The following PTPRG variants were observed in gnomAD, a reference collection of about 807,000 sequenced individuals.
The protein encoded by PTPRG is receptor-type tyrosine-protein phosphatase gamma.
Under a neutral mutation model 165.3 loss-of-function variants are expected in PTPRG, and 102 were observed. The ratio of observed to expected loss-of-function variants is 0.62; its 90% confidence interval spans 0.53 to 0.73. The LOEUF (loss-of-function observed/expected upper bound fraction) is 0.73, where lower values mean the gene tolerates loss of function less well. Ranked by LOEUF, PTPRG falls within the 30% of genes least tolerant of loss-of-function variation. The pLI, the probability that PTPRG is intolerant of heterozygous loss-of-function variation, is 0.00. For synonymous variants in PTPRG, 675 were observed against 669.5 expected (o/e 1.01, Z -0.13); for missense variants, 1,866 against 1,861.4 (o/e 1.00, Z -0.05).
intron 1 of PTPRG, among the ~76,000 whole-genome samples, chr3:61,708,379 T>TG (rs964853749): frequency 6.7e-6 from 1 of 149,114 alleles, no homozygotes; most frequent in African/African-American, 2.5e-5. Context: ...ACAGCCCAAC[T>TG]GGGGGATCAT....
chr3:62,269,303 CTT>C (rs1490808399), intron 20 of PTPRG, 134 bp downstream of exon 20: 24 of 934,472 alleles, frequency 2.6e-5, no homozygotes, highest in Non-Finnish European at 4.5e-6. Context: ...TTTCATAACT[CTT>C]TTGATTGACA....
Position 61,742,403 on chromosome 3 carries a change from ATTTTTTT to A in PTPRG, c.86-6461_86-6455del, listed in dbSNP as rs34010935. ...AAGAAATTGGGCCTTTGGGTCTGGA[ATTTTTTT>A]TTTTTTTTTTTTTGAACTGGTAATA... On this transcript the variant is annotated intron_variant, in intron 1 of 29. Coordinates refer to ENST00000474889, the MANE Select transcript of PTPRG (RefSeq NM_002841.4). 308 of 734,636 alleles carry A rather than the reference ATTTTTTT, an allele frequency of 4.2e-4. No homozygotes were observed. The Middle Eastern group carries it at 5.7e-3, about 14-fold the overall frequency. 45.5% of individuals were successfully genotyped at this position (734,636 alleles called of 1,614,324 possible).
intron 2 of PTPRG, among the ~76,000 whole-genome samples, chr3:61,754,143 C>T (rs2033552327): frequency 6.6e-6 from 1 of 152,146 alleles, no homozygotes; most frequent in Non-Finnish European, 1.5e-5. Flanking sequence ...CCAAAATTCC[C>T]CGTAAGACAT....
intron 4 of PTPRG, among the ~76,000 whole-genome samples, chr3:62,035,695 A>G (rs770466594): frequency 2.0e-5 from 3 of 152,216 alleles, no homozygotes; most frequent in African/African-American, 4.8e-5. Context: ...AAGCAAGCAC[A>G]TTGGAAACCA....
At chr3:62,132,475 G>A (rs1703552382) in intron 5 of PTPRG, 127 bp from the exon 6 acceptor site, 3 of 748,952 alleles carry the variant, frequency 4.0e-6, no homozygotes, top group East Asian at 2.5e-5. Flanking sequence ...GAGCCATGGT[G>A]TATGTGAGAC....
At chr3:61,847,362 A>T (rs2036836023) in intron 2 of PTPRG, among the ~76,000 whole-genome samples, 1 of 152,068 alleles carries the variant, frequency 6.6e-6, no homozygotes, top group African/African-American at 2.4e-5. Context: ...CATGGAGTAG[A>T]TCTTCCCCTC....
At chr3:61,706,816 C>A (rs1239221625) in intron 1 of PTPRG, among the ~76,000 whole-genome samples, 1 of 151,804 alleles carries the variant, frequency 6.6e-6, no homozygotes, top group Non-Finnish European at 1.5e-5. Flanking sequence ...TTATTTTTAA[C>A]TAGAAAGCAA....
At chr3:62,062,018 G>A (rs1316396732) in intron 4 of PTPRG, among the ~76,000 whole-genome samples, 1 of 151,968 alleles carries the variant, frequency 6.6e-6, no homozygotes, top group Non-Finnish European at 1.5e-5. Flanking sequence ...TAGTATGGGG[G>A]GGCGGGCGTG....
At chr3:61,602,046 G>A (rs566778115) in intron 1 of PTPRG, among the ~76,000 whole-genome samples, 4 of 152,308 alleles carry the variant, frequency 2.6e-5, no homozygotes, top group South Asian at 4.1e-4. Flanking sequence ...GGAATTCCCA[G>A]CCTGTGGGTG....
chr3:61,638,590 A>ATTTTTT, intron 1 of PTPRG, among the ~76,000 whole-genome samples: 1 of 49,426 alleles, frequency 2.0e-5, no homozygotes, highest in Non-Finnish European at 4.5e-5. Flanking sequence ...ATGCCTGGCT[A>ATTTTTT]GTTTTTTTTT....
intron 2 of PTPRG, among the ~76,000 whole-genome samples, chr3:61,826,656 T>A (rs2036122176): frequency 6.6e-6 from 1 of 152,152 alleles, no homozygotes; most frequent in East Asian, 1.9e-4. Flanking sequence ...AGTATGATTT[T>A]TTACAGTGAG....
intron 1 of PTPRG, among the ~76,000 whole-genome samples, chr3:61,664,847 TAA>T (rs1364908171): frequency 4.0e-5 from 6 of 150,758 alleles, no homozygotes; most frequent in African/African-American, 1.2e-4. Context: ...AATAAATAAA[TAA>T]AAATAAAAAA....
At chr3:61,730,107 G>C (rs1226088430) in intron 1 of PTPRG, among the ~76,000 whole-genome samples, 1 of 152,214 alleles carries the variant, frequency 6.6e-6, no homozygotes, top group African/African-American at 2.4e-5. Flanking sequence ...AGGGGTTTGT[G>C]ACCACCACGG....
chr3:61,796,514 A>T (rs1438601257), intron 2 of PTPRG, among the ~76,000 whole-genome samples: 1 of 152,212 alleles, frequency 6.6e-6, no homozygotes, highest in Admixed American at 6.5e-5. Context: ...CTGCCTAGGA[A>T]GGACAAAGTC....
At chr3:62,215,722 A>C (rs2106876631) in intron 12 of PTPRG, among the ~76,000 whole-genome samples, 1 of 151,978 alleles carries the variant, frequency 6.6e-6, no homozygotes, top group African/African-American at 2.4e-5. Flanking sequence ...TGGGGCCTGA[A>C]CCTCTCTGAG....
At chr3:62,029,571 C>A (rs1699695785) in intron 4 of PTPRG, among the ~76,000 whole-genome samples, 1 of 152,114 alleles carries the variant, frequency 6.6e-6, no homozygotes, top group Non-Finnish European at 1.5e-5. Flanking sequence ...GAAAACTTAC[C>A]ATCTGGATGC....
intron 4 of PTPRG, among the ~76,000 whole-genome samples, chr3:62,033,017 C>G (rs1284592055): frequency 6.6e-6 from 1 of 152,156 alleles, no homozygotes; most frequent in African/African-American, 2.4e-5. Flanking sequence ...GTTTTAATCT[C>G]ACATTGGATG....
At chr3:61,683,252 A>C (rs1442014186) in intron 1 of PTPRG, among the ~76,000 whole-genome samples, 1 of 152,254 alleles carries the variant, frequency 6.6e-6, no homozygotes, top group African/African-American at 2.4e-5. Context: ...AATTGACGGC[A>C]GTCCCAACCT....
At chr3:61,876,749 A>G (rs1022901594) in intron 2 of PTPRG, among the ~76,000 whole-genome samples, 5 of 152,116 alleles carry the variant, frequency 3.3e-5, no homozygotes, top group Non-Finnish European at 5.9e-5. Flanking sequence ...TCTCTAATAC[A>G]AAAAGGTATA....
Sources: gnomAD v4.1 joint callset for allele counts (sites outside exome capture counted in the v4.1 genomes callset) on GRCh38, gnomAD v4.1.1 for gene constraint, MANE v1.5 for transcripts, NCBI Gene and HGNC (gene_info 2026-07-23, HGNC 2026-07-21) for gene names.